PLCXD3: variants seen among roughly 807,000 people sequenced by gnomAD.
PLCXD3 encodes the protein PI-PLC X domain-containing protein 3.
PLCXD3 carries 19 observed loss-of-function variants against 25.5 expected under a neutral mutation model. The ratio of observed to expected loss-of-function variants is 0.75; its 90% CI spans 0.52 to 1.09. PLCXD3 has a LOEUF of 1.09. Among genes scored for constraint, PLCXD3 ranks in the 50% least tolerant of loss-of-function variants. The pLI is 0.00. For synonymous variants in PLCXD3, 174 were observed against 137.6 expected (o/e 1.26, Z -1.85); for missense variants, 411 against 388.1 (o/e 1.06, Z -0.50).
intron 2 of PLCXD3, among the ~76,000 whole-genome samples, chr5:41,374,649 G>T (rs565025345): frequency 6.6e-6 from 1 of 152,144 alleles, no homozygotes; most frequent in Admixed American, 6.5e-5. Flanking sequence ...TGAATCTTAT[G>T]GTGAAAGCTT....
intron 2 of PLCXD3, among the ~76,000 whole-genome samples, chr5:41,336,227 A>T (rs887178975): frequency 6.6e-6 from 1 of 152,204 alleles, no homozygotes; most frequent in East Asian, 1.9e-4. Context: ...ACAATACATT[A>T]TAGATAGGTG....
intron 1 of PLCXD3, among the ~76,000 whole-genome samples, chr5:41,403,828 A>T (rs963697474): frequency 6.7e-5 from 10 of 150,098 alleles, no homozygotes; most frequent in African/African-American, 9.8e-5. Flanking sequence ...GGTTGGTTCC[A>T]AGTCTTTGCT....
At chr5:41,328,242 G>T (rs1352642143) in intron 2 of PLCXD3, among the ~76,000 whole-genome samples, 1 of 152,146 alleles carries the variant, frequency 6.6e-6, no homozygotes. Context: ...AAGAGTGCTT[G>T]TCTCTCTGTA....
chr5:41,328,498 C>T (rs1413783005), intron 2 of PLCXD3, among the ~76,000 whole-genome samples: 1 of 152,156 alleles, frequency 6.6e-6, no homozygotes, highest in African/African-American at 2.4e-5. Context: ...GGCTTTGTTT[C>T]CTGGGCACGT....
At chr5:41,406,460 G>A (rs1393956214) in intron 1 of PLCXD3, among the ~76,000 whole-genome samples, 2 of 152,018 alleles carry the variant, frequency 1.3e-5, no homozygotes, top group African/African-American at 2.4e-5. Context: ...GCTCCTTCTT[G>A]TTTGTCCACT....
At chr5:41,364,456 T>A (rs1744879732) in intron 2 of PLCXD3, among the ~76,000 whole-genome samples, 1 of 152,224 alleles carries the variant, frequency 6.6e-6, no homozygotes, top group South Asian at 2.1e-4. Context: ...TTGCCTTAGA[T>A]TCCTTCACCA....
At chr5:41,345,117 C>T (rs1744262721) in intron 2 of PLCXD3, among the ~76,000 whole-genome samples, 1 of 152,138 alleles carries the variant, frequency 6.6e-6, no homozygotes, top group South Asian at 2.1e-4. Flanking sequence ...TTCCAAAAGT[C>T]CAAATAGTAA....
At chr5:41,403,947 T>A (rs373859577) in intron 1 of PLCXD3, among the ~76,000 whole-genome samples, 2 of 152,176 alleles carry the variant, frequency 1.3e-5, no homozygotes, top group East Asian at 3.9e-4. Flanking sequence ...ATAAAACATC[T>A]TGATAATTTA....
chr5:41,481,406 A>G (rs1748412354), intron 1 of PLCXD3, among the ~76,000 whole-genome samples: 1 of 152,226 alleles, frequency 6.6e-6, no homozygotes, highest in South Asian at 2.1e-4. Context: ...TTCTGCCTGC[A>G]TAAGAGCTAC....
At chr5:41,476,471 G>A (rs115495446) in intron 1 of PLCXD3, among the ~76,000 whole-genome samples, 1,775 of 152,270 alleles carry the variant, frequency 0.012, 41 homozygotes, top group African/African-American at 0.04. Flanking sequence ...TCCCTCATCA[G>A]TCCCTAATAA....
chr5:41,394,561 T>A (rs1580347749), intron 1 of PLCXD3, among the ~76,000 whole-genome samples: 5 of 152,136 alleles, frequency 3.3e-5, no homozygotes, highest in Middle Eastern at 3.4e-3. Context: ...ATCTGTTGCC[T>A]ACAAGAAACA....
chr5:41,324,657 T>C (rs1477453427), intron 2 of PLCXD3, among the ~76,000 whole-genome samples: 2 of 152,194 alleles, frequency 1.3e-5, no homozygotes, highest in Admixed American at 1.3e-4. Context: ...ACTGTGACAG[T>C]ATGTGTGTAG....
chr5:41,346,348 T>A (rs1744302551), intron 2 of PLCXD3, among the ~76,000 whole-genome samples: 1 of 152,220 alleles, frequency 6.6e-6, no homozygotes, highest in South Asian at 2.1e-4. Context: ...TATTATTAAC[T>A]GAAGTTTAGA....
At chr5:41,436,160 C>A (rs1400757263) in intron 1 of PLCXD3, among the ~76,000 whole-genome samples, 1 of 151,992 alleles carries the variant, frequency 6.6e-6, no homozygotes, top group African/African-American at 2.4e-5. Flanking sequence ...ATGTCTGATG[C>A]AGAGTTGAAT....
intron 2 of PLCXD3, among the ~76,000 whole-genome samples, chr5:41,372,041 C>T (rs952525255): frequency 6.6e-6 from 1 of 152,104 alleles, no homozygotes; most frequent in African/African-American, 2.4e-5. Flanking sequence ...GTAAATATCC[C>T]TGCTGCCTAG....
intron 1 of PLCXD3, among the ~76,000 whole-genome samples, chr5:41,496,181 A>C (rs369551338): frequency 6.6e-6 from 1 of 152,080 alleles, no homozygotes; most frequent in Non-Finnish European, 1.5e-5. Context: ...GAACAAAAAG[A>C]AAAAAGAATA....
rs565664782 is a variant in PLCXD3, at chr5:41,325,369, C to G, written c.813-11599G>C. ...TAGAATTATGTTAAACAAAAAGACT[C>G]ACTGTACTGGATTAAAACTAGCAAA... On this transcript the variant is annotated intron_variant, in intron 2 of 2. Coordinates refer to ENST00000377801, the MANE Select transcript of PLCXD3 (RefSeq NM_001005473.3). Among the ~76,000 whole-genome samples, 10 of 152,284 alleles carry G rather than the reference C, an allele frequency of 6.6e-5. No homozygotes were observed. The East Asian group carries it at 1.5e-3, about 24-fold the overall frequency.
At chr5:41,362,469 G>A (rs1054018392) in intron 2 of PLCXD3, among the ~76,000 whole-genome samples, 4 of 152,172 alleles carry the variant, frequency 2.6e-5, no homozygotes, top group Non-Finnish European at 4.4e-5. Flanking sequence ...GCATCATTTA[G>A]TTGTTAGGAG....
intron 1 of PLCXD3, among the ~76,000 whole-genome samples, chr5:41,386,011 C>T (rs182062930): frequency 6.6e-6 from 1 of 152,202 alleles, no homozygotes; most frequent in East Asian, 1.9e-4. Context: ...TAGACGTACA[C>T]AGAAACTCTG....
Sources: allele counts gnomAD v4.1 joint callset (sites outside exome capture counted in the v4.1 genomes callset), GRCh38; gene constraint gnomAD v4.1.1; transcripts MANE v1.5; gene names NCBI Gene and HGNC (gene_info 2026-07-23, HGNC 2026-07-21).